ATP7B: variants seen among roughly 807,000 people sequenced by gnomAD.
ATP7B encodes the protein copper-transporting ATPase 2.
Under a neutral mutation model 118.9 loss-of-function variants are expected in ATP7B, and 113 were observed. That is an observed-to-expected ratio of 0.95 (90% CI 0.82 to 1.11). The LOEUF is 1.11. ATP7B is among the 50% of genes most tolerant of loss of function. The pLI is 0.00. For missense variants in ATP7B, 1,867 were observed against 1,871.4 expected (o/e 1.00, Z 0.04); for synonymous variants, 777 against 727.4 (o/e 1.07, Z -1.10).
At chr13:51,969,253 TA>T (rs1252307894) in intron 3 of ATP7B, among the ~76,000 whole-genome samples, 1 of 151,996 alleles carries the variant, frequency 6.6e-6, no homozygotes, top group Non-Finnish European at 1.5e-5. Flanking sequence ...AGGACCTTGT[TA>T]AAATAGAGCT....
chr13:51,950,240 CT>C (rs752642415), intron 10 of ATP7B, 31 bp downstream of exon 10: 2 of 1,614,180 alleles, frequency 1.2e-6, no homozygotes, highest in Admixed American at 3.3e-5. Context: ...CTATGATATC[CT>C]CCTGAGGGAA....
At chr13:51,982,488 A>G (rs1379441594) in intron 1 of ATP7B, among the ~76,000 whole-genome samples, 8 of 152,190 alleles carry the variant, frequency 5.3e-5, no homozygotes, top group Non-Finnish European at 1.2e-4. Context: ...AACTCTCCTG[A>G]TGAGTTTTAA....
rs191920834 is a variant in ATP7B at position 52,001,948 on chromosome 13, G to C, written c.51+9339C>G. Among the ~76,000 whole-genome samples, 3 of 152,144 alleles carry C rather than the reference G, an allele frequency of 2.0e-5. No homozygotes were observed. The East Asian group carries it at 5.8e-4, about 29-fold the overall frequency. ...TGGGGCTACAGGTGCGTGCCACGAT[G>C]CCCAGCTTGCTTATTTATTTATTTA... On this transcript the variant is annotated intron_variant, in intron 1 of 20. Coordinates refer to ENST00000242839, the MANE Select transcript of ATP7B (RefSeq NM_000053.4).
intron 1 of ATP7B, chr13:51,975,676 T>C (rs2140128138): frequency 2.2e-6 from 1 of 451,616 alleles, no homozygotes; most frequent in East Asian, 7.0e-5. Context: ...TAGGGGTGTC[T>C]GTCTGATTAT....
intron 17 of ATP7B, among the ~76,000 whole-genome samples, chr13:51,938,412 C>G (rs1957106215): frequency 6.6e-6 from 1 of 152,186 alleles, no homozygotes; most frequent in Non-Finnish European, 1.5e-5. Flanking sequence ...TGAACAAGTG[C>G]TAGCCAGAAA....
intron 9 of ATP7B, among the ~76,000 whole-genome samples, chr13:51,956,890 T>C (rs1958382743): frequency 6.6e-6 from 1 of 152,182 alleles, no homozygotes; most frequent in Non-Finnish European, 1.5e-5. Flanking sequence ...ACATCCCAAT[T>C]CCATTACTGA....
chr13:51,959,944 T>TC (rs1158295313), intron 7 of ATP7B: 2 of 622,100 alleles, frequency 3.2e-6, no homozygotes, highest in Admixed American at 5.6e-5. Context: ...CCCTTAGTAG[T>TC]CCCCCACACT....
chr13:51,987,467 C>T (rs532530077), intron 1 of ATP7B, among the ~76,000 whole-genome samples: 90 of 152,314 alleles, frequency 5.9e-4, no homozygotes, highest in African/African-American at 2.1e-3. Flanking sequence ...CAATCAATAT[C>T]GTGAAAATGG....
At chr13:51,940,522 G>A (rs1957270967) in intron 16 of ATP7B, among the ~76,000 whole-genome samples, 2 of 151,760 alleles carry the variant, frequency 1.3e-5, no homozygotes, top group African/African-American at 2.4e-5. Context: ...GCGGGGGCCT[G>A]TAATCCCAGC....
intron 19 of ATP7B, among the ~76,000 whole-genome samples, chr13:51,936,085 G>A (rs1021458000): frequency 4.6e-5 from 7 of 152,204 alleles, no homozygotes; most frequent in African/African-American, 1.4e-4. Context: ...GGACAAACAC[G>A]GCTGAGGGCC....
At chr13:51,995,962 C>A (rs1953185874) in intron 1 of ATP7B, among the ~76,000 whole-genome samples, 1 of 152,218 alleles carries the variant, frequency 6.6e-6, no homozygotes, top group South Asian at 2.1e-4. Context: ...TGGCCATGTG[C>A]ACTCCTAGAA....
chr13:51,973,743 A>C (rs1482949219), intron 2 of ATP7B, among the ~76,000 whole-genome samples, 192 bp downstream of exon 2: 1 of 152,258 alleles, frequency 6.6e-6, no homozygotes, highest in East Asian at 1.9e-4. Context: ...ATGAAAAGCA[A>C]AATCTAGACA....
intron 1 of ATP7B, among the ~76,000 whole-genome samples, chr13:51,979,830 G>A (rs951873858): frequency 6.6e-6 from 1 of 152,156 alleles, no homozygotes; most frequent in African/African-American, 2.4e-5. Context: ...TCTGCCAAAA[G>A]GGTTTGCAGT....
intron 1 of ATP7B, among the ~76,000 whole-genome samples, chr13:51,982,600 T>C (rs1427771657): frequency 6.6e-6 from 1 of 152,178 alleles, no homozygotes; most frequent in Admixed American, 6.5e-5. Context: ...TGAGAGCTAA[T>C]GGGCCCTAAA....
In ATP7B at chr13:51,939,167, C is replaced by T. The variant is rs202218969; in HGVS notation, c.3583G>A (p.Ala1195Thr). The T allele has an allele frequency of 2.3e-4, 378 of 1,613,888 alleles. No individual in the cohort carries two copies. Among genetic ancestry groups the T allele is most frequent in the Middle Eastern group, 5.0e-4 (3 of 6,060 alleles). Reference protein sequence around the residue: ...DGVLCGMIAIADAVKQEAALA... With the variant: ...DGVLCGMIAITDAVKQEAALA... Reference sequence around the variant, plus strand: ...GCAGCCTCCTGCTTGACAGCGTCTGCGATTGCGATCATCCCACAGAGCACA... The same window carrying T: ...GCAGCCTCCTGCTTGACAGCGTCTGTGATTGCGATCATCCCACAGAGCACA... Residue 1195 changes from alanine (A) to threonine (T), a missense_variant, in exon 17 of 21, where the codon GCA becomes ACA. Physicochemically the swap from Ala to Thr is moderately conservative, Grantham distance 58 (BLOSUM62 0). Transcript: ENST00000242839.
intron 1 of ATP7B, among the ~76,000 whole-genome samples, chr13:51,994,875 C>T (rs1198949889): frequency 2.0e-5 from 3 of 152,264 alleles, no homozygotes; most frequent in East Asian, 1.9e-4. Context: ...TTTTACAAAA[C>T]GTTATACTGT....
rs530732007 is a variant in ATP7B at position 52,003,712 on chromosome 13, C to T, written c.51+7575G>A. Among the ~76,000 whole-genome samples, 9 of 152,214 alleles carry T rather than the reference C, an allele frequency of 5.9e-5. No individual in the cohort carries two copies. The South Asian group carries it at 1.7e-3, about 28-fold the overall frequency. On this transcript the variant is annotated intron_variant, in intron 1 of 20. Coordinates refer to ENST00000242839, the MANE Select transcript of ATP7B (RefSeq NM_000053.4). ...ACAAGTAGGCAGTGACTTAAATGAGCAGAACAGGCCATGCGGGGCTTGCGG... is the reference window on the plus strand; with the variant it reads ...ACAAGTAGGCAGTGACTTAAATGAGTAGAACAGGCCATGCGGGGCTTGCGG...
At position 51,950,393 on chromosome 13, in the gene ATP7B, C is replaced by T; in HGVS notation, c.2454G>A (p.Glu818=). Residue 818 remains glutamate, a synonymous_variant, in exon 10 of 21, where the codon GAG becomes GAA. Transcript: ENST00000242839. ...LGEDNLIIRE[E]QVPMELVQRG... is the part of the protein sequence containing the mutation. ...GCTGCACCAGCTCCATGGGGACTTG[C>T]TCCTCCCTGCAACAAACGCCACTTA... 2 of 1,614,034 alleles carry T rather than the reference C, an allele frequency of 1.2e-6. No homozygotes were observed. Among genetic ancestry groups the T allele is most frequent in the African/African-American group, 1.3e-5 (1 of 75,042 alleles).
At chr13:51,981,940 T>G (rs1952442202) in intron 1 of ATP7B, among the ~76,000 whole-genome samples, 1 of 152,218 alleles carries the variant, frequency 6.6e-6, no homozygotes, top group Non-Finnish European at 1.5e-5. Context: ...CAGGATGGCT[T>G]TGAATACGGC....
Sources: gnomAD v4.1 joint callset for allele counts (sites outside exome capture counted in the v4.1 genomes callset) on GRCh38, gnomAD v4.1.1 for gene constraint, MANE v1.5 for transcripts, NCBI Gene and HGNC (gene_info 2026-07-23, HGNC 2026-07-21) for gene names.